The following MGAT5B variants were observed in gnomAD, a reference collection of about 807,000 sequenced individuals.
MGAT5B encodes the protein alpha-1,6-mannosylglycoprotein 6-beta-N-acetylglucosaminyltransferase B.
In MGAT5B, 54 loss-of-function variants were observed where a neutral mutation model predicts 95.1. The observed-to-expected ratio is 0.57, with a 90% CI of 0.46 to 0.71. The LOEUF is 0.71. Ranked by LOEUF, MGAT5B falls within the 30% of genes least tolerant of loss-of-function variation. The pLI, the probability that MGAT5B is intolerant of heterozygous loss-of-function variation, is 0.00. For synonymous variants in MGAT5B, 464 were observed against 451.0 expected, an observed-to-expected ratio of 1.03 and a Z score of -0.36; for missense variants, 935 against 1,088.6, an observed-to-expected ratio of 0.86 and a Z score of 1.99.
chr17:76,885,783 G>A (rs367612645), intron 3 of MGAT5B, among the ~76,000 whole-genome samples: 2 of 152,170 alleles, frequency 1.3e-5, no homozygotes, highest in Non-Finnish European at 2.9e-5. Flanking sequence ...CTGCTCACAC[G>A]CTCCCGTGCA....
intron 16 of MGAT5B, among the ~76,000 whole-genome samples, chr17:76,947,563 G>C (rs1970070113): frequency 6.6e-6 from 1 of 152,166 alleles, no homozygotes; most frequent in South Asian, 2.1e-4. Flanking sequence ...GATGCAGAGG[G>C]CCCTGAATCC....
intron 3 of MGAT5B, among the ~76,000 whole-genome samples, chr17:76,891,777 G>A (rs940361687): frequency 1.3e-5 from 2 of 152,208 alleles, no homozygotes; most frequent in African/African-American, 4.8e-5. Context: ...ACTCCTTCAC[G>A]CAGCCCTCCA....
rs920543222 is a variant in MGAT5B, at chr17:76,889,422, CT to C, written c.329+7125del. On this transcript the variant is annotated intron_variant, in intron 3 of 17. Coordinates refer to ENST00000569840, the MANE Select transcript of MGAT5B (RefSeq NM_001199172.2). This position sits in a 1 kb window ranked among gnomAD's most constrained non-coding sequence, Gnocchi z 4.4. Reference sequence around the variant, plus strand: ...TGATAACCTGGGAAGTCACTGTCCCCTCTCCCCATCCCTGCCCAGAGCTGTC... The same window carrying C: ...TGATAACCTGGGAAGTCACTGTCCCCCTCCCCATCCCTGCCCAGAGCTGTC... Among the ~76,000 whole-genome samples the C allele has an allele frequency of 2.0e-5, 3 of 152,214 alleles. No homozygotes were observed. Among genetic ancestry groups the C allele is most frequent in the African/African-American group, 7.2e-5 (3 of 41,542 alleles).
intron 8 of MGAT5B, among the ~76,000 whole-genome samples, chr17:76,922,904 A>G (rs1057291259): frequency 6.6e-6 from 1 of 152,046 alleles, no homozygotes; most frequent in Non-Finnish European, 1.5e-5. Flanking sequence ...CAGTGTGGGG[A>G]CAGCTCAGGA....
chr17:76,937,140 C>T (rs527788176), intron 12 of MGAT5B, among the ~76,000 whole-genome samples: 4 of 152,164 alleles, frequency 2.6e-5, no homozygotes, highest in South Asian at 2.1e-4. Flanking sequence ...CTAGCAATCT[C>T]GGATCACCTT....
At position 76,904,327 on chromosome 17, in the gene MGAT5B, A is replaced by T; in HGVS notation, c.595A>T (p.Ile199Phe). 1 of 1,607,974 alleles carries T rather than the reference A, an allele frequency of 6.2e-7. No individual in the cohort carries two copies. Among genetic ancestry groups the T allele is most frequent in the South Asian group, 1.1e-5 (1 of 89,556 alleles). ...GVDGTECSFL[I>F]YLSEVEWFCP... is the part of the protein sequence containing the mutation. ...GGACGGCACCGAGTGCTCCTTCCTCATCTACCTCAGTGAGGTCGAGTGGTT... is the reference window on the plus strand; with the variant it reads ...GGACGGCACCGAGTGCTCCTTCCTCTTCTACCTCAGTGAGGTCGAGTGGTT... The change falls in exon 6 of 18, where the codon ATC becomes TTC. Residue 199 changes from isoleucine to phenylalanine, a missense_variant. Around this residue, in one of 4 missense-constraint regions of MGAT5B, gnomAD observed 243 missense variants for 305.5 expected, o/e 0.80. Transcript: ENST00000569840.
chr17:76,869,049 A>G lies in MGAT5B; in HGVS notation c.20A>G (p.Asp7Gly). The change falls in exon 1 of 18, where the codon GAT (aspartate) becomes GGT (glycine). Residue 7 changes from aspartate (D) to glycine (G), a missense_variant. This residue lies in a region of MGAT5B where 243 missense variants were observed against 228.2 expected (regional missense o/e 1.06). Transcript: ENST00000569840. The surrounding 1 kb of genome is among the most constrained non-coding windows in gnomAD (Gnocchi z 7.0). ...TGAACAATGATCACCGTCAACCCCG[A>G]TGGGAAGATAATGGTCAGAAGATGC... The part of the protein sequence containing the change: MITVNP[D>G]GKIMVRRCLV... 1.9e-6 allele frequency: 3 copies of G among 1,614,002 alleles called. No homozygotes were observed. Among genetic ancestry groups the G allele is most frequent in the African/African-American group, 2.7e-5 (2 of 75,048 alleles).
At chr17:76,877,209 C>T (rs1344209127) in intron 2 of MGAT5B, among the ~76,000 whole-genome samples, 8 of 151,926 alleles carry the variant, frequency 5.3e-5, no homozygotes, top group Non-Finnish European at 1.2e-4. Context: ...GCTGTCATCT[C>T]AGCTCCTCGG....
intron 15 of MGAT5B, among the ~76,000 whole-genome samples, chr17:76,945,186 C>G (rs1007095453): frequency 5.3e-5 from 8 of 152,118 alleles, no homozygotes; most frequent in Non-Finnish European, 1.0e-4. Flanking sequence ...GGAGTACCCC[C>G]TTACTCCTCT....
intron 3 of MGAT5B, among the ~76,000 whole-genome samples, chr17:76,897,435 C>A (rs558844251): frequency 1.2e-4 from 19 of 152,282 alleles, no homozygotes; most frequent in African/African-American, 4.3e-4. Flanking sequence ...TCCTCCCTGC[C>A]CCTTCCTGGC....
chr17:76,898,480 C>T (rs1450829053), intron 3 of MGAT5B, among the ~76,000 whole-genome samples: 1 of 151,926 alleles, frequency 6.6e-6, no homozygotes, highest in East Asian at 1.9e-4. Context: ...AGGCGCGCAC[C>T]ACCACACCCG....
chr17:76,919,031 C>T (rs1969037781), intron 8 of MGAT5B, among the ~76,000 whole-genome samples: 1 of 152,202 alleles, frequency 6.6e-6, no homozygotes, highest in South Asian at 2.1e-4. Context: ...TTTGCCTGAG[C>T]ACGTGTCCCA....
intron 3 of MGAT5B, among the ~76,000 whole-genome samples, chr17:76,884,677 C>T (rs558611287): frequency 6.6e-6 from 1 of 151,278 alleles, no homozygotes; most frequent in South Asian, 2.1e-4. Flanking sequence ...GATCTCGGCT[C>T]ACTGCAAGCT....
At chr17:76,945,912 CAG>C (rs779256772) in intron 15 of MGAT5B, among the ~76,000 whole-genome samples, 3 of 152,136 alleles carry the variant, frequency 2.0e-5, no homozygotes, top group South Asian at 2.1e-4. Flanking sequence ...GACAATAACA[CAG>C]GGGCTCATTC....
chr17:76,913,757 A>T, intron 8 of MGAT5B: 2 of 488,554 alleles, frequency 4.1e-6, no homozygotes, highest in South Asian at 3.0e-5. Flanking sequence ...AGATGTGGCC[A>T]GCAACACATT....
At chr17:76,891,941 C>G (rs1598913223) in intron 3 of MGAT5B, among the ~76,000 whole-genome samples, 1 of 152,128 alleles carries the variant, frequency 6.6e-6, no homozygotes, top group East Asian at 1.9e-4. Context: ...CTCCGTGACC[C>G]TAACAGGCCT....
intron 3 of MGAT5B, among the ~76,000 whole-genome samples, chr17:76,891,467 C>T (rs915305969): frequency 2.0e-5 from 3 of 151,990 alleles, no homozygotes; most frequent in Non-Finnish European, 2.9e-5. Context: ...ACAACCTCCG[C>T]CTTCTGGGTT....
chr17:76,943,573 A>AT (rs1398214919), intron 15 of MGAT5B, among the ~76,000 whole-genome samples: 2 of 127,924 alleles, frequency 1.6e-5, no homozygotes, highest in South Asian at 2.7e-4. Context: ...CCATTTTATT[A>AT]TTTTTTTAAA....
chr17:76,906,524 C>A lies in MGAT5B; in HGVS notation c.1025+337C>A, dbSNP rs1377063996. Among the ~76,000 whole-genome samples the A allele has an allele frequency of 1.3e-5, 2 of 152,212 alleles. No individual in the cohort carries two copies. Among genetic ancestry groups the A allele is most frequent in the African/African-American group, 4.8e-5 (2 of 41,450 alleles). ...CGTGGGGTCCCCTCTGCCTGCCGTC[C>A]TGGAAGGCTTGGTTTCTCTTCTGAA... On this transcript the variant is annotated intron_variant, in intron 8 of 17. Transcript: ENST00000569840. The surrounding 1 kb of genome is among the most constrained non-coding windows in gnomAD (Gnocchi z 4.6).
Sources: gnomAD v4.1 joint callset for allele counts (sites outside exome capture counted in the v4.1 genomes callset) on GRCh38, gnomAD v4.1.1 for gene constraint, gnomAD v4.1.1 regional missense constraint, Gnocchi (gnomAD v3.1) non-coding constraint, MANE v1.5 for transcripts, NCBI Gene and HGNC (gene_info 2026-07-23, HGNC 2026-07-21) for gene names.